SIAE: variants seen among roughly 807,000 people sequenced by gnomAD.
SIAE encodes sialic acid acetylesterase, also known as sialate O-acetylesterase.
In SIAE, 39 loss-of-function variants were observed where a neutral mutation model predicts 52.6. The observed-to-expected ratio is 0.74, with a 90% CI of 0.57 to 0.97. SIAE has a LOEUF of 0.97. SIAE is among the 50% of genes least tolerant of loss of function. The probability of loss-of-function intolerance (pLI) is 0.00; values close to 1 mark genes in which losing one functional copy is unlikely to be tolerated. For missense variants in SIAE, 592 were observed against 662.1 expected, an observed-to-expected ratio of 0.89 and a Z score of 1.16; for synonymous variants, 233 against 241.4, an observed-to-expected ratio of 0.97 and a Z score of 0.32.
chr11:124,656,697 TTTTG>T (rs1363040367), intron 3 of SIAE, among the ~76,000 whole-genome samples: 1 of 152,174 alleles, frequency 6.6e-6, no homozygotes, highest in African/African-American at 2.4e-5. Context: ...AATATTTTGT[TTTTG>T]TTTTTTTTTA....
At chr11:124,659,492 G>A (rs1383941299) in intron 3 of SIAE, 1 of 151,938 alleles carries the variant, frequency 6.6e-6, no homozygotes, top group East Asian at 1.9e-4. Context: ...AAATCAGCTG[G>A]ATATGGTGGC....
At chr11:124,644,502 C>T (rs997447516) in intron 7 of SIAE, among the ~76,000 whole-genome samples, 3 of 152,078 alleles carry the variant, frequency 2.0e-5, no homozygotes, top group South Asian at 2.1e-4. Flanking sequence ...CTATTATATA[C>T]TCGCCACATG....
At position 124,636,018 on chromosome 11, in the gene SIAE, A is replaced by C. The variant is rs1374141016; in HGVS notation, c.*933T>G. On this transcript the variant is annotated 3_prime_UTR_variant, in exon 10 of 10. Coordinates refer to ENST00000263593, the MANE Select transcript of SIAE (RefSeq NM_170601.5). ...TCTTCTTCCAAATGGATTATCCTTAAACCTTTTACCTTTAAAGAGCCTGAG... is the reference window on the plus strand; with the variant it reads ...TCTTCTTCCAAATGGATTATCCTTACACCTTTTACCTTTAAAGAGCCTGAG... 2.6e-5 allele frequency: 4 copies of C among 152,098 alleles called. No homozygotes were observed. The highest frequency in any genetic ancestry group is 5.9e-5 in the Non-Finnish European group (4 of 68,026). The allele number at this position is 152,098 out of a possible 1,614,324, so 9.4% of individuals were successfully genotyped here.
In SIAE at chr11:124,638,526, CT is replaced by C; in HGVS notation, c.1320+15del. On this transcript the variant is annotated intron_variant, in intron 9 of 9. Coordinates refer to ENST00000263593, the MANE Select transcript of SIAE (RefSeq NM_170601.5). ...ACCACAAAATGAACCCCTGTTTATT[CT>C]GCTGTTCTTCTCACCTCAAATATCT... is the stretch of plus-strand genomic sequence containing the variant. The C allele has an allele frequency of 6.2e-7, 1 of 1,613,678 alleles. No individual in the cohort carries two copies. The highest frequency in any genetic ancestry group is 1.1e-5 in the South Asian group (1 of 91,064).
chr11:124,665,172 T>A (rs1943255719), intron 2 of SIAE, among the ~76,000 whole-genome samples: 1 of 152,214 alleles, frequency 6.6e-6, no homozygotes, highest in African/African-American at 2.4e-5. Flanking sequence ...CTTGTGTGGC[T>A]GGCAGAATCT....
chr11:124,644,606 G>T (rs949831008), intron 7 of SIAE, among the ~76,000 whole-genome samples: 3 of 152,204 alleles, frequency 2.0e-5, no homozygotes, highest in African/African-American at 7.2e-5. Context: ...GTGGCTGGTA[G>T]AAATACTGCG....
At chr11:124,646,109 C>T (rs538331660) in intron 7 of SIAE, among the ~76,000 whole-genome samples, 32 of 152,188 alleles carry the variant, frequency 2.1e-4, no homozygotes, top group Non-Finnish European at 4.3e-4. Context: ...ACCAGCACTA[C>T]CACCGTGCTA....
At chr11:124,675,511 A>T, upstream of SIAE, 1 of 1,404,386 alleles carries the variant, frequency 7.1e-7, no homozygotes, top group South Asian at 1.4e-5. Flanking sequence ...TTCTGCAGAA[A>T]GCCTTTTATG....
chr11:124,653,321 TA>T (rs143262803), intron 4 of SIAE, among the ~76,000 whole-genome samples: 2,841 of 152,220 alleles, frequency 0.019, 83 homozygotes, highest in African/African-American at 0.062. Flanking sequence ...TTAAGTGAAT[TA>T]CTACTTATAA....
chr11:124,666,542 T>A (rs1412922804), intron 2 of SIAE, among the ~76,000 whole-genome samples: 2 of 152,180 alleles, frequency 1.3e-5, no homozygotes, highest in Non-Finnish European at 2.9e-5. Context: ...GTCTAATAAA[T>A]AGGTCCCCAC....
In SIAE at chr11:124,647,358, A is replaced by C; in HGVS notation, c.966+7T>G. On this transcript the variant is annotated splice_region_variant and intron_variant, in intron 7 of 9. Coordinates refer to ENST00000263593, the MANE Select transcript of SIAE (RefSeq NM_170601.5). ...CATGAACAGAGAAGCCTTTACCCAC[A>C]TCGTACCTGGACAAGTCCAAATGGG... is the stretch of plus-strand genomic sequence containing the variant. 1 of 1,614,124 alleles carries C rather than the reference A, an allele frequency of 6.2e-7. No homozygotes were observed. The highest frequency in any genetic ancestry group is 8.5e-7 in the Non-Finnish European group (1 of 1,180,010).
At chr11:124,669,630 C>T (rs1943321653) in intron 1 of SIAE, 109 bp from the exon 2 acceptor site, 7 of 1,005,936 alleles carry the variant, frequency 7.0e-6, no homozygotes, top group Non-Finnish European at 1.1e-5. Context: ...AGAATTTTAA[C>T]ATACTAAGTC....
In SIAE at chr11:124,636,702, A is replaced by G. The variant is rs1942748705; in HGVS notation, c.*249T>C. 2 of 547,976 alleles carry G rather than the reference A, an allele frequency of 3.6e-6. No homozygotes were observed. The highest frequency in any genetic ancestry group is 3.8e-5 in the African/African-American group (2 of 52,866). 33.9% of individuals were successfully genotyped at this position (547,976 alleles called of 1,614,324 possible). A position where few individuals can be genotyped will look rare whatever the true frequency, so the allele number is the denominator to read the frequency against. On this transcript the variant is annotated 3_prime_UTR_variant, in exon 10 of 10. Coordinates refer to ENST00000263593, the MANE Select transcript of SIAE (RefSeq NM_170601.5). ...AGGGAAGTAAATGACATTGAGGTCC[A>G]ATTTGTCTGTAGTTCAGAATTAGTC...
Position 124,635,386 on chromosome 11 carries a change from A to G in SIAE, c.*1565T>C, listed in dbSNP as rs2134345039. 1 of 152,298 alleles carries G rather than the reference A, an allele frequency of 6.6e-6. No individual in the cohort carries two copies. The highest frequency in any genetic ancestry group is 2.1e-4 in the South Asian group (1 of 4,824). 9.4% of individuals were successfully genotyped at this position (152,298 alleles called of 1,614,324 possible). A position where few individuals can be genotyped will look rare whatever the true frequency, so the allele number is the denominator to read the frequency against. ...TTTTTTAACTAAATAAAATCTTGGC[A>G]CTGACAAAGTTATTCCTGCTGTTTG... On this transcript the variant is annotated 3_prime_UTR_variant, in exon 10 of 10. Coordinates refer to ENST00000263593, the MANE Select transcript of SIAE (RefSeq NM_170601.5).
chr11:124,639,299 C>T (rs528953738), intron 8 of SIAE, among the ~76,000 whole-genome samples: 1 of 152,304 alleles, frequency 6.6e-6, no homozygotes, highest in African/African-American at 2.4e-5. Context: ...GCTGGAATTC[C>T]ATTTCCTGCT....
upstream of SIAE, chr11:124,674,078 A>C: frequency 3.9e-6 from 1 of 253,776 alleles, no homozygotes; most frequent in Non-Finnish European, 7.7e-6. Flanking sequence ...GAGGCAGCCC[A>C]TTCTGCGCGA....
chr11:124,638,040 A>C (rs113891797), intron 9 of SIAE, among the ~76,000 whole-genome samples: 3 of 152,328 alleles, frequency 2.0e-5, no homozygotes, highest in African/African-American at 7.2e-5. Flanking sequence ...CCAGTTCCAC[A>C]GCAGAATGAC....
intron 5 of SIAE, among the ~76,000 whole-genome samples, chr11:124,648,865 T>A (rs551771512): frequency 6.6e-6 from 1 of 152,068 alleles, no homozygotes; most frequent in African/African-American, 2.4e-5. Flanking sequence ...ATATCTTCAC[T>A]CCCCCACAGG....
At chr11:124,660,077 G>C (rs541993070) in intron 3 of SIAE, 1 of 172,216 alleles carries the variant, frequency 5.8e-6, no homozygotes, top group East Asian at 1.6e-4. Flanking sequence ...ATCATCTGAG[G>C]TCAGGAGTTC....
Sources: allele counts gnomAD v4.1 joint callset (sites outside exome capture counted in the v4.1 genomes callset), GRCh38; gene constraint gnomAD v4.1.1; transcripts MANE v1.5; gene names NCBI Gene and HGNC (gene_info 2026-07-23, HGNC 2026-07-21).